NPY2R: variants seen among roughly 807,000 people sequenced by gnomAD.
NPY2R encodes neuropeptide Y receptor Y2, also known as neuropeptide Y receptor type 2.
NPY2R carries 17 observed loss-of-function variants against 22.3 expected under a neutral mutation model. The observed-to-expected ratio is 0.76, with a 90% CI of 0.52 to 1.14. The LOEUF is 1.14. Among genes scored for constraint, NPY2R ranks in the 50% most tolerant of loss-of-function variants. NPY2R has a pLI of 0.00. For synonymous variants in NPY2R, 209 were observed against 183.4 expected (o/e 1.14, Z -1.13); for missense variants, 424 against 467.9 (o/e 0.91, Z 0.87).
the NPY2R span, among the ~76,000 whole-genome samples, chr4:155,201,481 G>A: frequency 3.3e-5 from 5 of 152,104 alleles, no homozygotes; most frequent in Non-Finnish European, 7.4e-5. Context: ...GATGCCACAT[G>A]GATCAGAGAT....
the NPY2R span, among the ~76,000 whole-genome samples, chr4:155,178,419 G>A: frequency 6.6e-6 from 1 of 152,166 alleles, no homozygotes; most frequent in Non-Finnish European, 1.5e-5. Flanking sequence ...TGCTTAGCAT[G>A]TGCACTAGCT....
chr4:155,201,014 GTAAAATAAAA>G, the NPY2R span, among the ~76,000 whole-genome samples: 63,505 of 150,962 alleles, frequency 0.42, 14,631 homozygotes, highest in African/African-American at 0.62. Context: ...GGAACTTAAA[GTAAAATAAAA>G]TAAAATAAAA....
the NPY2R span, among the ~76,000 whole-genome samples, chr4:155,200,210 A>T: frequency 6.6e-6 from 1 of 152,148 alleles, no homozygotes; most frequent in African/African-American, 2.4e-5. Context: ...GACACTTCTC[A>T]AAAGAAGACA....
chr4:155,214,698 A>G lies in NPY2R; in HGVS notation c.759A>G (p.Gly253=). The G allele has an allele frequency of 6.2e-7, 1 of 1,614,188 alleles. No homozygotes were observed. Among genetic ancestry groups the G allele is most frequent in the Non-Finnish European group, 8.5e-7 (1 of 1,180,034 alleles). The change falls in exon 2 of 2, where the codon GGA becomes GGG. Residue 253 remains glycine (G), a synonymous_variant. Coordinates refer to ENST00000329476, the MANE Select transcript of NPY2R (RefSeq NM_000910.4). ...WSKLKNHVSP[G]AANDHYHQRR... is the part of the protein sequence containing the mutation. The stretch of plus-strand genomic sequence containing the variant: ...AATTGAAGAACCATGTCAGTCCTGG[A>G]GCTGCAAATGACCACTACCATCAGC...
At chr4:155,212,601 C>T (rs532392212) in intron 1 of NPY2R, among the ~76,000 whole-genome samples, 1 of 151,836 alleles carries the variant, frequency 6.6e-6, no homozygotes, top group Admixed American at 6.6e-5. Context: ...AGTAGACACT[C>T]GATTATTTCT....
chr4:155,197,851 A>G, the NPY2R span, among the ~76,000 whole-genome samples: 1 of 151,980 alleles, frequency 6.6e-6, no homozygotes. Context: ...AAACACACAT[A>G]TAAATTGAAA....
chr4:155,179,601 C>G, the NPY2R span, among the ~76,000 whole-genome samples: 1 of 152,234 alleles, frequency 6.6e-6, no homozygotes, highest in Non-Finnish European at 1.5e-5. Context: ...TATTTTCTGC[C>G]CCGGTATGAA....
the NPY2R span, among the ~76,000 whole-genome samples, chr4:155,196,236 C>A: frequency 1.3e-5 from 2 of 151,646 alleles, no homozygotes; most frequent in Non-Finnish European, 2.9e-5. Flanking sequence ...TCTTTTTTTC[C>A]CCAATATGGG....
Position 155,214,619 on chromosome 4 carries a change from T to C in NPY2R, c.680T>C (p.Leu227Ser), listed in dbSNP as rs753935175. The C allele has an allele frequency of 6.2e-7, 1 of 1,614,202 alleles. No homozygotes were observed. Among genetic ancestry groups the C allele is most frequent in the South Asian group, 1.1e-5 (1 of 91,088 alleles). Residue 227 changes from leucine (L) to serine (S), a missense_variant, in exon 2 of 2, where the codon TTG becomes TCG. Leu to Ser is a moderately radical substitution (Grantham distance 145). Coordinates refer to ENST00000329476, the MANE Select transcript of NPY2R (RefSeq NM_000910.4). ...TVYSLSSLLI[L>S]YVLPLGIISF... ...TATAGTCTTTCTTCCTTGTTGATCT[T>C]GTATGTTTTGCCTCTGGGCATTATA...
chr4:155,197,302 A>G, the NPY2R span, among the ~76,000 whole-genome samples: 1 of 152,008 alleles, frequency 6.6e-6, no homozygotes, highest in African/African-American at 2.4e-5. Flanking sequence ...CTATTAAATT[A>G]TTTGTAGGTA....
At chr4:155,173,831 A>G in the NPY2R span, 1 of 152,030 alleles carries the variant, frequency 6.6e-6, no homozygotes. Flanking sequence ...TTTAAGCAGT[A>G]TCTTTTAGTT....
At chr4:155,174,484 A>ATTTTTTTTTTTT in the NPY2R span, among the ~76,000 whole-genome samples, 1 of 106,114 alleles carries the variant, frequency 9.4e-6, no homozygotes, top group African/African-American at 4.5e-5. Flanking sequence ...ATATATATAT[A>ATTTTTTTTTTTT]TTTTTTTTTT....
In NPY2R at chr4:155,215,321, A is replaced by G. The variant is rs1304573181; in HGVS notation, c.*236A>G. 94 of 602,980 alleles carry G rather than the reference A, an allele frequency of 1.6e-4. 1 individual carries two copies. The Admixed American group carries it at 2.7e-3, about 17-fold the overall frequency. The allele number at this position is 602,980 out of a possible 1,614,324, so 37.4% of individuals were successfully genotyped here. Reference sequence around the variant, plus strand: ...AACAGTTGGTTGGGTAGTAGGTTGCATTATGAGTAAAAGCAGAGAGAAGTA... The same window carrying G: ...AACAGTTGGTTGGGTAGTAGGTTGCGTTATGAGTAAAAGCAGAGAGAAGTA... On this transcript the variant is annotated 3_prime_UTR_variant, in exon 2 of 2. Coordinates refer to ENST00000329476, the MANE Select transcript of NPY2R (RefSeq NM_000910.4).
At chr4:155,209,274 A>T (rs1401275711) in intron 1 of NPY2R, among the ~76,000 whole-genome samples, 1 of 152,084 alleles carries the variant, frequency 6.6e-6, no homozygotes, top group Non-Finnish European at 1.5e-5. Context: ...TCTGTTGAAG[A>T]TTATTTACTA....
chr4:155,198,740 T>A, the NPY2R span, among the ~76,000 whole-genome samples: 1 of 151,600 alleles, frequency 6.6e-6, no homozygotes, highest in Non-Finnish European at 1.5e-5. Context: ...TTAAATGACA[T>A]TTTCAAATCA....
the NPY2R span, among the ~76,000 whole-genome samples, chr4:155,186,976 A>G: frequency 3.9e-5 from 6 of 152,142 alleles, no homozygotes; most frequent in African/African-American, 9.7e-5. Flanking sequence ...ATTTTCTACA[A>G]TTTTGGAGAA....
chr4:155,214,900 A>G lies in NPY2R; in HGVS notation c.961A>G (p.Asn321Asp), dbSNP rs995387476. The change falls in exon 2 of 2, where the codon AAT (asparagine) becomes GAT (aspartate). Residue 321 changes from asparagine to aspartate, a missense_variant. By Grantham distance (23) the Asn-to-Asp change is conservative (BLOSUM62 1). Transcript: ENST00000329476. ...CATCGCCATGTGCTCCACTTTTGCC[A>G]ATCCCCTTCTCTATGGCTGGATGAA... ...HIIAMCSTFA[N>D]PLLYGWMNSN... The G allele has an allele frequency of 2.5e-6, 4 of 1,612,832 alleles. No homozygotes were observed. The African/African-American group carries it at 4.0e-5, about 16-fold the overall frequency.
At position 155,216,699 on chromosome 4, in the gene NPY2R, AC is replaced by A. The variant is rs1425487787; in HGVS notation, c.*1615del. The A allele has an allele frequency of 6.0e-6, 1 of 167,076 alleles. No homozygotes were observed. The highest frequency in any genetic ancestry group is 1.9e-4 in the East Asian group (1 of 5,206). The allele number at this position is 167,076 out of a possible 1,614,324, so 10.3% of individuals were successfully genotyped here. A position where few individuals can be genotyped will look rare whatever the true frequency, so the allele number is the denominator to read the frequency against. On this transcript the variant is annotated 3_prime_UTR_variant, in exon 2 of 2. Transcript: ENST00000329476. ...TCTGGAATACTGAAAAAGAATGAAAACAATATGTTAGATTAGGTGTAAGACT... is the reference window on the plus strand; with the variant it reads ...TCTGGAATACTGAAAAAGAATGAAAAAATATGTTAGATTAGGTGTAAGACT...
At chr4:155,183,340 C>T in the NPY2R span, among the ~76,000 whole-genome samples, 89 of 152,196 alleles carry the variant, frequency 5.8e-4, no homozygotes, top group Middle Eastern at 3.4e-3. Flanking sequence ...GACCTCAGGG[C>T]TGAGGAGGAA....
Sources: gnomAD v4.1 joint callset for allele counts (sites outside exome capture counted in the v4.1 genomes callset) on GRCh38, gnomAD v4.1.1 for gene constraint, MANE v1.5 for transcripts, NCBI Gene and HGNC (gene_info 2026-07-23, HGNC 2026-07-21) for gene names.